FGD6: variants seen among roughly 807,000 people sequenced by gnomAD.
FGD6 encodes the protein FYVE, RhoGEF and PH domain-containing protein 6.
A neutral mutation model predicts 149.4 loss-of-function variants in FGD6; 90 were observed. That is an observed-to-expected ratio of 0.60 (90% CI 0.51 to 0.72). The LOEUF (loss-of-function observed/expected upper bound fraction) is 0.72, where lower values mean the gene tolerates loss of function less well. FGD6 is among the 30% of genes least tolerant of loss of function. FGD6 has a pLI of 0.00. For synonymous variants in FGD6, 527 were observed against 584.0 expected, an observed-to-expected ratio of 0.90 and a Z score of 1.41; for missense variants, 1,437 against 1,684.8, an observed-to-expected ratio of 0.85 and a Z score of 2.57.
chr12:95,182,695 C>G (rs1352284848), intron 2 of FGD6, among the ~76,000 whole-genome samples: 1 of 152,196 alleles, frequency 6.6e-6, no homozygotes, highest in East Asian at 1.9e-4. Context: ...TATTTTCCTA[C>G]TGAGACCTTC....
In FGD6 at chr12:95,081,438, T is replaced by A; in HGVS notation, c.*82A>T. The A allele has an allele frequency of 7.9e-7, 1 of 1,258,682 alleles. No homozygotes were observed. The highest frequency in any genetic ancestry group is 1.1e-6 in the Non-Finnish European group (1 of 922,354). 78.0% of individuals were successfully genotyped at this position (1,258,682 alleles called of 1,614,324 possible). Reference sequence around the variant, plus strand: ...GCTTTATCTTGGCAGTGTTCATTTTTATACAATTTTTGAATTGCATTTACT... The same window carrying A: ...GCTTTATCTTGGCAGTGTTCATTTTAATACAATTTTTGAATTGCATTTACT... On this transcript the variant is annotated 3_prime_UTR_variant, in exon 21 of 21. Coordinates refer to ENST00000343958, the MANE Select transcript of FGD6 (RefSeq NM_018351.4).
chr12:95,173,021 A>C (rs1881037441), intron 2 of FGD6, among the ~76,000 whole-genome samples: 1 of 152,152 alleles, frequency 6.6e-6, no homozygotes, highest in South Asian at 2.1e-4. Context: ...ATCCCTCCCA[A>C]AGAAGATCAG....
At chr12:95,199,936 C>A (rs971462981) in intron 2 of FGD6, among the ~76,000 whole-genome samples, 5 of 152,088 alleles carry the variant, frequency 3.3e-5, no homozygotes, top group African/African-American at 1.2e-4. Context: ...TGGGATACAT[C>A]AAAAGACCAA....
Position 95,100,646 on chromosome 12 carries a change from T to C in FGD6, c.3497+4361A>G, listed in dbSNP as rs370536057. The C allele has an allele frequency of 1.1e-3, 609 of 534,882 alleles. 7 individuals are homozygous for C. The highest frequency in any genetic ancestry group is 8.2e-3 in the South Asian group (591 of 72,224). The allele number at this position is 534,882 out of a possible 1,614,324, so 33.1% of individuals were successfully genotyped here. On this transcript the variant is annotated intron_variant, in intron 14 of 20. Coordinates refer to ENST00000343958, the MANE Select transcript of FGD6 (RefSeq NM_018351.4). ...TGGGACTCTAAACCAGTGTGCACTA[T>C]GGAGCTTGGCAGAGCTGCAAAGCTG...
At position 95,210,703 on chromosome 12, in the gene FGD6, A is replaced by G; in HGVS notation, c.581T>C (p.Phe194Ser). The part of the protein sequence containing the change: ...KDALIHQMPP[F>S]ISAQKHRPTD... ...GGGCCTGTGCTTCTGTGCAGAAATA[A>G]AAGGTGGCATTTGGTGTATTAAGGC... Residue 194 changes from phenylalanine (F) to serine (S), a missense_variant, in exon 2 of 21, where the codon TTT (phenylalanine) becomes TCT (serine). Coordinates refer to ENST00000343958, the MANE Select transcript of FGD6 (RefSeq NM_018351.4). 3.7e-6 allele frequency: 6 copies of G among 1,613,938 alleles called. No individual in the cohort carries two copies. Among genetic ancestry groups the G allele is most frequent in the Non-Finnish European group, 5.1e-6 (6 of 1,179,982 alleles).
At chr12:95,147,735 GA>G (rs1880057335) in intron 5 of FGD6, among the ~76,000 whole-genome samples, 1 of 151,974 alleles carries the variant, frequency 6.6e-6, no homozygotes, top group Non-Finnish European at 1.5e-5. Context: ...TTTCTTCATT[GA>G]AAAAAATAGG....
intron 3 of FGD6, among the ~76,000 whole-genome samples, chr12:95,166,937 A>G (rs1880836911): frequency 6.7e-6 from 1 of 148,216 alleles, no homozygotes; most frequent in Non-Finnish European, 1.5e-5. Flanking sequence ...GCTTGCTGCA[A>G]CCTCTACCTC....
At chr12:95,217,115 G>T in intron 1 of FGD6, 110 bp downstream of exon 1, 1 of 1,526,060 alleles carries the variant, frequency 6.6e-7, no homozygotes, top group Non-Finnish European at 8.9e-7. Context: ...GCTCGGCAAA[G>T]GTACGGGGCA....
intron 9 of FGD6, among the ~76,000 whole-genome samples, chr12:95,110,269 C>G (rs1396257741): frequency 6.6e-6 from 1 of 151,956 alleles, no homozygotes; most frequent in African/African-American, 2.4e-5. Flanking sequence ...AGCCACCACA[C>G]CCGGCCTGTA....
At chr12:95,129,311 GCATCCATC>G (rs71435749) in intron 8 of FGD6, among the ~76,000 whole-genome samples, 2,260 of 105,320 alleles carry the variant, frequency 0.021, 22 homozygotes, top group Non-Finnish European at 0.032. Context: ...ATGCATGCAT[GCATCCATC>G]CATCCATCCA....
At chr12:95,196,644 CTTTTTT>C (rs200984769) in intron 2 of FGD6, among the ~76,000 whole-genome samples, 1 of 145,774 alleles carries the variant, frequency 6.9e-6, no homozygotes, top group Non-Finnish European at 1.5e-5. Flanking sequence ...CAATTTTTTT[CTTTTTT>C]TTTTTTTGAA....
chr12:95,195,898 A>C (rs1881724258), intron 2 of FGD6, among the ~76,000 whole-genome samples: 1 of 151,492 alleles, frequency 6.6e-6, no homozygotes, highest in Non-Finnish European at 1.5e-5. Flanking sequence ...ATGTGAGTAC[A>C]AGTAAAACCG....
At chr12:95,212,313 C>T (rs1353065366) in intron 1 of FGD6, among the ~76,000 whole-genome samples, 1 of 152,152 alleles carries the variant, frequency 6.6e-6, no homozygotes, top group African/African-American at 2.4e-5. Flanking sequence ...ATCCACTGTT[C>T]TACTACATTT....
At chr12:95,190,389 C>T (rs1458027120) in intron 2 of FGD6, among the ~76,000 whole-genome samples, 3 of 152,084 alleles carry the variant, frequency 2.0e-5, no homozygotes, top group Non-Finnish European at 2.9e-5. Flanking sequence ...AGGCTGGTTT[C>T]GAACTCCTGA....
At chr12:95,186,642 C>T (rs879649325) in intron 2 of FGD6, among the ~76,000 whole-genome samples, 3 of 151,986 alleles carry the variant, frequency 2.0e-5, no homozygotes, top group Non-Finnish European at 4.4e-5. Flanking sequence ...ACTGCTTTTG[C>T]ACTACATTGG....
rs80239209 is a variant in FGD6, at chr12:95,143,293, G to T, written c.2686-1754C>A. Among the ~76,000 whole-genome samples, 875 of 141,806 alleles carry T rather than the reference G, an allele frequency of 6.2e-3. 38 individuals carry two copies. The East Asian group carries it at 0.13, about 21-fold the overall frequency. 93.0% of individuals were successfully genotyped at this position (141,806 alleles called of 152,430 possible). A position where few individuals can be genotyped will look rare whatever the true frequency, so the allele number is the denominator to read the frequency against. ...TTAACCATGAGGTTTGTTTTTTTTT[G>T]TTTTTTTTTTTTTTAACTCTGGACA... On this transcript the variant is annotated intron_variant, in intron 5 of 20. Transcript: ENST00000343958.
At position 95,217,258 on chromosome 12, in the gene FGD6, C is replaced by A; in HGVS notation, c.-18G>T. 6.2e-7 allele frequency: 1 copy of A among 1,607,218 alleles called. No individual in the cohort carries two copies. Reference sequence around the variant, plus strand: ...GAAGTCATGATTCCCCGGTGCAGCTCGCTTCCCCGCTCGGCCCCTCAATCC... The same window carrying A: ...GAAGTCATGATTCCCCGGTGCAGCTAGCTTCCCCGCTCGGCCCCTCAATCC... On this transcript the variant is annotated 5_prime_UTR_variant, in exon 1 of 21. Transcript: ENST00000343958.
chr12:95,165,627 C>T (rs758025114), intron 3 of FGD6, among the ~76,000 whole-genome samples: 26 of 151,646 alleles, frequency 1.7e-4, no homozygotes, highest in Non-Finnish European at 2.8e-4. Context: ...CATGAGCCAC[C>T]GCGCCCGGCC....
At chr12:95,188,150 T>A (rs982267745) in intron 2 of FGD6, among the ~76,000 whole-genome samples, 2 of 95,338 alleles carry the variant, frequency 2.1e-5, no homozygotes, top group African/African-American at 7.1e-5. Context: ...CATTTTGCAA[T>A]ATAAAGCAAA....
Sources: gnomAD v4.1 joint callset for allele counts (sites outside exome capture counted in the v4.1 genomes callset) on GRCh38, gnomAD v4.1.1 for gene constraint, MANE v1.5 for transcripts, NCBI Gene and HGNC (gene_info 2026-07-23, HGNC 2026-07-21) for gene names.